Variants in PALM2AKAP2 observed in about 807,000 individuals in gnomAD.
The protein encoded by PALM2AKAP2 is PALM2 and AKAP2 fusion, also known as PALM2-AKAP2 fusion protein.
PALM2AKAP2 carries 37 observed loss-of-function variants against 71.5 expected under a neutral mutation model. The ratio of observed to expected loss-of-function variants is 0.52; its 90% CI spans 0.40 to 0.68. PALM2AKAP2 has a LOEUF of 0.68. Ranked by LOEUF, PALM2AKAP2 falls within the 30% of genes least tolerant of loss-of-function variation. The pLI is 0.00. For missense variants in PALM2AKAP2, 1,224 were observed against 1,191.8 expected, an observed-to-expected ratio of 1.03 and a Z score of -0.40; for synonymous variants, 468 against 478.8, an observed-to-expected ratio of 0.98 and a Z score of 0.29.
chr9:109,947,288 A>G (rs1831531138), intron 6 of PALM2AKAP2, among the ~76,000 whole-genome samples: 1 of 152,254 alleles, frequency 6.6e-6, no homozygotes, highest in Admixed American at 6.5e-5. Context: ...ACAAGCAAGT[A>G]GAATATTTTG....
At chr9:110,082,917 G>A (rs914558530) in intron 1 of PALM2AKAP2, among the ~76,000 whole-genome samples, 2 of 152,166 alleles carry the variant, frequency 1.3e-5, no homozygotes, top group African/African-American at 4.8e-5. Flanking sequence ...TGAGGTGGGC[G>A]GATCACCTGA....
intron 1 of PALM2AKAP2, among the ~76,000 whole-genome samples, chr9:109,689,200 C>CTTTTTTTTTTTTTT (rs200092612): frequency 1.5e-5 from 2 of 134,148 alleles, no homozygotes; most frequent in Non-Finnish European, 1.6e-5. Context: ...TTTTTCTTTT[C>CTTTTTTTTTTTTTT]TTTTTTTTTT....
At chr9:109,808,375 A>G (rs1827636389) in intron 1 of PALM2AKAP2, among the ~76,000 whole-genome samples, 1 of 152,206 alleles carries the variant, frequency 6.6e-6, no homozygotes, top group African/African-American at 2.4e-5. Flanking sequence ...TAGCAAAGAG[A>G]CTGGTGGCAT....
intron 1 of PALM2AKAP2, among the ~76,000 whole-genome samples, chr9:109,747,444 G>A (rs890474709): frequency 6.6e-6 from 1 of 152,058 alleles, no homozygotes; most frequent in African/African-American, 2.4e-5. Context: ...TTCCTGTCTT[G>A]GCATTCATGC....
At chr9:109,859,913 A>T (rs1259106239) in intron 1 of PALM2AKAP2, among the ~76,000 whole-genome samples, 1 of 152,274 alleles carries the variant, frequency 6.6e-6, no homozygotes, top group Non-Finnish European at 1.5e-5. Flanking sequence ...CTTAGCTTTC[A>T]GCTACTTATC....
At chr9:109,767,959 AAAG>A (rs143376632) in intron 1 of PALM2AKAP2, among the ~76,000 whole-genome samples, 556 of 40,780 alleles carry the variant, frequency 0.014, no homozygotes, top group South Asian at 0.068. Flanking sequence ...GAGAGGGAGA[AAAG>A]AAGGAAGGAG....
intron 1 of PALM2AKAP2, among the ~76,000 whole-genome samples, chr9:110,095,184 G>A (rs1834807404): frequency 6.6e-6 from 1 of 152,228 alleles, no homozygotes; most frequent in East Asian, 1.9e-4. Context: ...CAAAGCAGCA[G>A]TTCCCTTGTG....
intron 1 of PALM2AKAP2, among the ~76,000 whole-genome samples, chr9:109,854,905 G>A (rs1201691359): frequency 6.7e-6 from 1 of 150,058 alleles, no homozygotes; most frequent in Non-Finnish European, 1.5e-5. Context: ...TGAGTAGCTG[G>A]GACTACAGGT....
At chr9:109,806,545 G>A (rs1180347568) in intron 1 of PALM2AKAP2, among the ~76,000 whole-genome samples, 1 of 152,172 alleles carries the variant, frequency 6.6e-6, no homozygotes, top group East Asian at 1.9e-4. Context: ...CAGAGACTTG[G>A]TTGTGCTGGG....
chr9:110,035,142 C>T (rs1162195341), intron 7 of PALM2AKAP2, among the ~76,000 whole-genome samples: 1 of 147,894 alleles, frequency 6.8e-6, no homozygotes, highest in Non-Finnish European at 1.5e-5. Context: ...GCTTTTTTTT[C>T]TGCCTAAAAT....
At chr9:109,928,248 A>G (rs1158282159) in intron 5 of PALM2AKAP2, among the ~76,000 whole-genome samples, 1 of 152,154 alleles carries the variant, frequency 6.6e-6, no homozygotes, top group African/African-American at 2.4e-5. Flanking sequence ...GATTACAGGT[A>G]TCAGCCACCG....
intron 6 of PALM2AKAP2, among the ~76,000 whole-genome samples, chr9:109,993,199 AG>A (rs1224170981): frequency 4.7e-5 from 7 of 149,576 alleles, no homozygotes; most frequent in African/African-American, 1.7e-4. Flanking sequence ...AAAAAAAAAA[AG>A]ATAATATCTT....
intron 6 of PALM2AKAP2, among the ~76,000 whole-genome samples, chr9:109,990,152 A>T (rs985407814): frequency 6.7e-6 from 1 of 149,410 alleles, no homozygotes; most frequent in Non-Finnish European, 1.5e-5. Flanking sequence ...GCTCACTGCA[A>T]CCTCTGCTTC....
chr9:110,138,413 A>G, exon 2 of PALM2AKAP2: 1 of 1,614,228 alleles, frequency 6.2e-7, no homozygotes, highest in Non-Finnish European at 8.5e-7. Flanking sequence ...TGAGGAAGAG[A>G]TCCGAGCAGC....
chr9:109,654,952 G>A (rs528601851), intron 1 of PALM2AKAP2, among the ~76,000 whole-genome samples: 1 of 152,182 alleles, frequency 6.6e-6, no homozygotes, highest in African/African-American at 2.4e-5. Flanking sequence ...AAAAGCTTTG[G>A]CACTTGTTAC....
At chr9:110,024,238 A>G (rs941192323) in intron 7 of PALM2AKAP2, among the ~76,000 whole-genome samples, 1 of 152,176 alleles carries the variant, frequency 6.6e-6, no homozygotes, top group South Asian at 2.1e-4. Context: ...AATTTCCATC[A>G]TTCCAATAAG....
intron 6 of PALM2AKAP2, among the ~76,000 whole-genome samples, chr9:109,990,889 G>C (rs1034541521): frequency 6.6e-6 from 1 of 152,238 alleles, no homozygotes; most frequent in Admixed American, 6.5e-5. Context: ...ACAACGTTGA[G>C]AGGCTTTTTC....
At position 109,908,769 on chromosome 9, in the gene PALM2AKAP2, A is replaced by G. The variant is rs553830366; in HGVS notation, c.258-14966A>G. ...TATGGTGATTATTCCCAGTTTGGGC[A>G]TTTGTGAAAGATGTGGCTGAGGCTG... On this transcript the variant is annotated intron_variant, in intron 3 of 9. Transcript: ENST00000302798. Among the ~76,000 whole-genome samples, 677 of 151,790 alleles carry G rather than the reference A, an allele frequency of 4.5e-3. 5 individuals carry two copies. The highest frequency in any genetic ancestry group is 0.016 in the African/African-American group (652 of 41,466).
chr9:109,675,997 A>G (rs1827643188), intron 1 of PALM2AKAP2, among the ~76,000 whole-genome samples: 3 of 152,224 alleles, frequency 2.0e-5, no homozygotes, highest in South Asian at 4.1e-4. Flanking sequence ...GATACCAAAA[A>G]CAAAAATTTT....
Sources: gnomAD v4.1 joint callset for allele counts (sites outside exome capture counted in the v4.1 genomes callset) on GRCh38, gnomAD v4.1.1 for gene constraint, MANE v1.5 for transcripts, NCBI Gene and HGNC (gene_info 2026-07-23, HGNC 2026-07-21) for gene names.